The following QRICH1 variants were observed in gnomAD, a reference collection of about 807,000 sequenced individuals.
The protein encoded by QRICH1 is glutamine rich 1.
Under a neutral mutation model 87.1 loss-of-function variants are expected in QRICH1, and 16 were observed. The ratio of observed to expected loss-of-function variants is 0.18; its 90% CI spans 0.12 to 0.28. QRICH1 has a LOEUF of 0.28. Among genes scored for constraint, QRICH1 ranks in the 10% least tolerant of loss-of-function variants. The pLI is 1.00. For missense variants in QRICH1, 647 were observed against 951.7 expected, an observed-to-expected ratio of 0.68 and a Z score of 4.21; for synonymous variants, 367 against 368.4, an observed-to-expected ratio of 1.00 and a Z score of 0.05.
chr3:49,077,033 G>C lies in QRICH1; in HGVS notation c.-16C>G. 1 of 1,388,964 alleles carries C rather than the reference G, an allele frequency of 7.2e-7. No individual in the cohort carries two copies. The highest frequency in any genetic ancestry group is 9.5e-7 in the Non-Finnish European group (1 of 1,051,308). 86.0% of individuals were successfully genotyped at this position (1,388,964 alleles called of 1,614,324 possible). A position where few individuals can be genotyped will look rare whatever the true frequency, so the allele number is the denominator to read the frequency against. On this transcript the variant is annotated 5_prime_UTR_variant, in exon 2 of 10. Coordinates refer to ENST00000395443, the MANE Select transcript of QRICH1 (RefSeq NM_198880.3). ...AATTATTCATATTGCAGAGTCCTTA[G>C]GGTTCCTAGAAATAAACAGAAGTCA...
At chr3:49,086,979 G>C (rs1425479398) in intron 1 of QRICH1, 1 of 152,284 alleles carries the variant, frequency 6.6e-6, no homozygotes, top group Non-Finnish European at 1.5e-5. Context: ...TATGGGGCCC[G>C]GTGCAGTGGC....
Position 49,093,975 on chromosome 3 carries a change from C to T in QRICH1, c.-85G>A. 2.5e-6 allele frequency: 1 copy of T among 403,854 alleles called. No homozygotes were observed. Among genetic ancestry groups the T allele is most frequent in the Non-Finnish European group, 4.3e-6 (1 of 230,536 alleles). The allele number at this position is 403,854 out of a possible 1,614,324, so 25.0% of individuals were successfully genotyped here. A position where few individuals can be genotyped will look rare whatever the true frequency, so the allele number is the denominator to read the frequency against. ...GCACCCGCCGGCCCCGCCGCACCGCCAGGGACCCTGGTTCTGCCGTCGTCG... is the reference window on the plus strand; with the variant it reads ...GCACCCGCCGGCCCCGCCGCACCGCTAGGGACCCTGGTTCTGCCGTCGTCG... On this transcript the variant is annotated 5_prime_UTR_variant, in exon 1 of 10. Coordinates refer to ENST00000395443, the MANE Select transcript of QRICH1 (RefSeq NM_198880.3).
chr3:49,055,473 A>G (rs2093395733), intron 3 of QRICH1, among the ~76,000 whole-genome samples: 1 of 152,186 alleles, frequency 6.6e-6, no homozygotes. Context: ...TCCCAGGCTC[A>G]TGCAACCCTC....
At chr3:49,039,834 C>T (rs1164380088) in intron 6 of QRICH1, among the ~76,000 whole-genome samples, 3 of 151,604 alleles carry the variant, frequency 2.0e-5, no homozygotes, top group Non-Finnish European at 2.9e-5. Context: ...CTGAGGCAGG[C>T]GGATCACTTT....
intron 2 of QRICH1, among the ~76,000 whole-genome samples, chr3:49,066,288 G>C (rs1444912534): frequency 6.6e-6 from 1 of 150,768 alleles, no homozygotes; most frequent in Non-Finnish European, 1.5e-5. Context: ...CTCCATCTCA[G>C]AAAAAAATAA....
chr3:49,053,186 T>C (rs112014511), intron 3 of QRICH1, among the ~76,000 whole-genome samples: 1,736 of 152,110 alleles, frequency 0.011, 29 homozygotes, highest in South Asian at 0.013. Flanking sequence ...TGTAATAACA[T>C]GCAAGTCTAA....
At chr3:49,063,759 A>T (rs2106929968) in intron 2 of QRICH1, among the ~76,000 whole-genome samples, 1 of 152,272 alleles carries the variant, frequency 6.6e-6, no homozygotes, top group South Asian at 2.1e-4. Context: ...GTGCCACTGT[A>T]CTCCAGCTTG....
Position 49,030,340 on chromosome 3 carries a change from T to G in QRICH1, c.*112A>C. The G allele has an allele frequency of 9.7e-7, 1 of 1,034,992 alleles. No individual in the cohort carries two copies. Among genetic ancestry groups the G allele is most frequent in the Non-Finnish European group, 1.4e-6 (1 of 727,168 alleles). The allele number at this position is 1,034,992 out of a possible 1,614,324, so 64.1% of individuals were successfully genotyped here. A position where few individuals can be genotyped will look rare whatever the true frequency, so the allele number is the denominator to read the frequency against. On this transcript the variant is annotated 3_prime_UTR_variant, in exon 10 of 10. Coordinates refer to ENST00000395443, the MANE Select transcript of QRICH1 (RefSeq NM_198880.3). ...TTAAACAGAAGCAGCCTGAAAGGCT[T>G]CGTAACTACACCAATAAAAAAAAGA...
intron 1 of QRICH1, among the ~76,000 whole-genome samples, chr3:49,083,848 G>C (rs1357012336): frequency 6.7e-6 from 1 of 150,206 alleles, no homozygotes; most frequent in Non-Finnish European, 1.5e-5. Flanking sequence ...AGAATCGCTT[G>C]AACCCAGGAG....
rs199703601 is a variant in QRICH1, at chr3:49,057,721, C to T, written c.479G>A (p.Ser160Asn). 21 of 1,614,068 alleles carry T rather than the reference C, an allele frequency of 1.3e-5. No homozygotes were observed. The highest frequency in any genetic ancestry group is 1.7e-5 in the Non-Finnish European group (20 of 1,180,038). ...CTGAGCTGCTTGCAGCTGCGAGGGA[C>T]TGGGACTCTGCAGAGACGGGGTCTG... ...SIQTPSLQSP[S>N]PSQLQAAQIQ... is the part of the protein sequence containing the mutation. The change falls in exon 3 of 10, where the codon AGT becomes AAT. Residue 160 changes from serine to asparagine, a missense_variant. Physicochemically the swap from Ser to Asn is conservative, Grantham distance 46 (BLOSUM62 1). Coordinates refer to ENST00000395443, the MANE Select transcript of QRICH1 (RefSeq NM_198880.3). This position sits in a 1 kb window ranked among gnomAD's most constrained non-coding sequence, Gnocchi z 5.4.
At position 49,057,828 on chromosome 3, in the gene QRICH1, G is replaced by A. The variant is rs375758772; in HGVS notation, c.372C>T (p.Thr124=). The A allele has an allele frequency of 8.1e-5, 131 of 1,614,062 alleles. No individual in the cohort carries two copies. The highest frequency in any genetic ancestry group is 1.1e-4 in the Non-Finnish European group (125 of 1,180,016). Residue 124 remains threonine, a synonymous_variant, in exon 3 of 10, where the codon ACC becomes ACT. Coordinates refer to ENST00000395443, the MANE Select transcript of QRICH1 (RefSeq NM_198880.3). This position sits in a 1 kb window ranked among gnomAD's most constrained non-coding sequence, Gnocchi z 5.4. The part of the protein sequence containing the change: ...QVSAQLSPQL[T]VHQPTEQPIQ... ...TGGGTTGCTCAGTAGGCTGGTGAAC[G>A]GTGAGTTGTGGGGAGAGCTGAGCCG...
intron 1 of QRICH1, among the ~76,000 whole-genome samples, chr3:49,089,989 T>C (rs1256202742): frequency 6.6e-6 from 1 of 152,206 alleles, no homozygotes; most frequent in Non-Finnish European, 1.5e-5. Flanking sequence ...TAAATTTACA[T>C]GGATGGATAA....
intron 5 of QRICH1, among the ~76,000 whole-genome samples, chr3:49,045,326 C>CAAAAAAA (rs150401256): frequency 4.0e-4 from 41 of 101,822 alleles, no homozygotes; most frequent in African/African-American, 1.1e-3. Flanking sequence ...TTGTGAATTA[C>CAAAAAAA]AAAAAAAAAA....
rs142203464 is a variant in QRICH1 at position 49,043,050 on chromosome 3, T to A, written c.1786+1340A>T. On this transcript the variant is annotated intron_variant, in intron 6 of 9. Coordinates refer to ENST00000395443, the MANE Select transcript of QRICH1 (RefSeq NM_198880.3). The stretch of plus-strand genomic sequence containing the variant: ...ACTATAGTTAACAATAATGTATCAA[T>A]ATTGGTTTATCAATTATAACAAATG... Among the ~76,000 whole-genome samples the A allele has an allele frequency of 7.9e-5, 12 of 152,226 alleles. No individual in the cohort carries two copies. The East Asian group carries it at 2.3e-3, about 29-fold the overall frequency.
Position 49,093,963 on chromosome 3 carries a change from C to T in QRICH1, c.-73G>A. ...GCCGCCTCCGCTGCACCCGCCGGCC[C>T]CGCCGCACCGCCAGGGACCCTGGTT... On this transcript the variant is annotated 5_prime_UTR_variant, in exon 1 of 10. Transcript: ENST00000395443. The T allele has an allele frequency of 2.5e-6, 1 of 404,678 alleles. No individual in the cohort carries two copies. The highest frequency in any genetic ancestry group is 4.3e-6 in the Non-Finnish European group (1 of 231,382). The allele number at this position is 404,678 out of a possible 1,614,324, so 25.1% of individuals were successfully genotyped here.
At position 49,090,182 on chromosome 3, in the gene QRICH1, G is replaced by A. The variant is rs771628220; in HGVS notation, c.-22+3730C>T. Among the ~76,000 whole-genome samples the A allele has an allele frequency of 4.6e-5, 7 of 152,248 alleles. No homozygotes were observed. In the East Asian group the frequency reaches 5.8e-4, roughly 13 times the overall value. ...ACAAAAAATTAGCCAGACATCAGCCGGGCACAGTGGCTCACGCCTGTAATC... is the reference window on the plus strand; with the variant it reads ...ACAAAAAATTAGCCAGACATCAGCCAGGCACAGTGGCTCACGCCTGTAATC... On this transcript the variant is annotated intron_variant, in intron 1 of 9. Transcript: ENST00000395443.
In QRICH1 at chr3:49,057,558, C is replaced by A; in HGVS notation, c.642G>T (p.Gln214His). The stretch of plus-strand genomic sequence containing the variant: ...GTGGTGGGGAAAGGGCACCCACGGT[C>A]TGGATTTGGATCTGCTGACCACCAG... ...SLAGGQQIQIQTVGALSPPPS... is the reference protein window; with the variant it reads ...SLAGGQQIQIHTVGALSPPPS... Residue 214 changes from glutamine to histidine, a missense_variant, in exon 3 of 10, where the codon CAG (glutamine) becomes CAT (histidine). Coordinates refer to ENST00000395443, the MANE Select transcript of QRICH1 (RefSeq NM_198880.3). This position sits in a 1 kb window ranked among gnomAD's most constrained non-coding sequence, Gnocchi z 5.4. The A allele has an allele frequency of 6.2e-7, 1 of 1,613,250 alleles. No individual in the cohort carries two copies. The highest frequency in any genetic ancestry group is 8.5e-7 in the Non-Finnish European group (1 of 1,179,424).
chr3:49,033,261 G>A (rs1406548535), intron 6 of QRICH1, 33 bp from the exon 7 acceptor site: 2 of 1,373,310 alleles, frequency 1.5e-6, no homozygotes, highest in Non-Finnish European at 9.8e-7. Context: ...ACAACAAGAG[G>A]ATGGCAGGTG....
At chr3:49,037,070 T>C (rs1040537510) in intron 6 of QRICH1, among the ~76,000 whole-genome samples, 2 of 92,682 alleles carry the variant, frequency 2.2e-5, no homozygotes, top group African/African-American at 3.8e-5. Flanking sequence ...GACCCCCGTC[T>C]CTTAAAAAAA....
Sources: gnomAD v4.1 joint callset for allele counts (sites outside exome capture counted in the v4.1 genomes callset) on GRCh38, gnomAD v4.1.1 for gene constraint, Gnocchi (gnomAD v3.1) non-coding constraint, MANE v1.5 for transcripts, NCBI Gene and HGNC (gene_info 2026-07-23, HGNC 2026-07-21) for gene names.